Variants in PLCG2 observed in about 807,000 individuals in gnomAD.
The protein encoded by PLCG2 is 1-phosphatidylinositol 4,5-bisphosphate phosphodiesterase gamma-2.
In PLCG2, 69 loss-of-function variants were observed where a neutral mutation model predicts 175.6. That is an observed-to-expected ratio of 0.39 (90% confidence interval 0.32 to 0.48). PLCG2 has a LOEUF of 0.48. Among genes scored for constraint, PLCG2 ranks in the 20% least tolerant of loss-of-function variants. The probability of loss-of-function intolerance (pLI) is 0.91; values close to 1 mark genes in which losing one functional copy is unlikely to be tolerated. For synonymous variants in PLCG2, 827 were observed against 624.0 expected, an observed-to-expected ratio of 1.33 and a Z score of -4.85; for missense variants, 1,798 against 1,650.9, an observed-to-expected ratio of 1.09 and a Z score of -1.54.
In PLCG2 at chr16:81,936,420, G is replaced by A. The variant is rs779418251; in HGVS notation, c.3052+42G>A. ...GGTAGTCCCGTCCCTGCAAGGTGGC[G>A]GTTGCAGTCACTCCAGGCCGAGTCA... On this transcript the variant is annotated intron_variant, in intron 27 of 32. Transcript: ENST00000564138. The A allele has an allele frequency of 2.0e-5, 31 of 1,536,886 alleles. 1 individual carries two copies. Among genetic ancestry groups the A allele is most frequent in the Middle Eastern group, 2.3e-4 (1 of 4,428 alleles).
At chr16:81,900,499 C>T (rs77353266) in intron 13 of PLCG2, 113 bp from the exon 14 acceptor site, 4 of 920,306 alleles carry the variant, frequency 4.3e-6, no homozygotes, top group Non-Finnish European at 6.3e-6. Flanking sequence ...GGTTGTGCCC[C>T]CCGAGCAGCG....
intron 2 of PLCG2, among the ~76,000 whole-genome samples, chr16:81,849,770 TCAA>T (rs1906307873): frequency 2.9e-5 from 1 of 34,674 alleles, no homozygotes; most frequent in Non-Finnish European, 4.8e-5. Context: ...AAACTCTGTC[TCAA>T]AAAAAAAAAA....
At chr16:81,912,835 A>G (rs1421483363) in intron 19 of PLCG2, 119 bp downstream of exon 19, 1 of 1,253,046 alleles carries the variant, frequency 8.0e-7, no homozygotes, top group Non-Finnish European at 1.1e-6. Flanking sequence ...CCCCAGCATC[A>G]GCGACAACAA....
intron 2 of PLCG2, among the ~76,000 whole-genome samples, chr16:81,850,855 C>T (rs1026159117): frequency 1.3e-5 from 2 of 152,180 alleles, no homozygotes; most frequent in African/African-American, 4.8e-5. Flanking sequence ...CTTCAGATCT[C>T]CTGCACATGC....
rs113931977 is a variant in PLCG2, at chr16:81,860,268, T to C, written c.479+1105T>C. Among the ~76,000 whole-genome samples the C allele has an allele frequency of 3.7e-3, 569 of 151,758 alleles. 2 individuals carry two copies. The highest frequency in any genetic ancestry group is 0.031 in the Middle Eastern group (9 of 294). ...GGTTTTTCTTTAGATTAATGCATTGTCATTTCGGAAATCATTTCCGTGTTG... is the reference window on the plus strand; with the variant it reads ...GGTTTTTCTTTAGATTAATGCATTGCCATTTCGGAAATCATTTCCGTGTTG... On this transcript the variant is annotated intron_variant, in intron 5 of 32. Transcript: ENST00000564138.
intron 2 of PLCG2, among the ~76,000 whole-genome samples, chr16:81,853,059 G>A (rs1287351555): frequency 6.6e-6 from 1 of 152,190 alleles, no homozygotes; most frequent in African/African-American, 2.4e-5. Context: ...GGCTGGGCCC[G>A]CTGGCTCACG....
chr16:81,827,790 T>A (rs111362226), intron 2 of PLCG2, among the ~76,000 whole-genome samples: 3,825 of 151,704 alleles, frequency 0.025, 52 homozygotes, highest in Middle Eastern at 0.034. Context: ...TCTCCTCATT[T>A]AAAAAAAAGC....
chr16:81,841,646 G>A (rs542627535), intron 2 of PLCG2, among the ~76,000 whole-genome samples: 4 of 152,198 alleles, frequency 2.6e-5, no homozygotes, highest in African/African-American at 9.6e-5. Flanking sequence ...CAGAATAGAG[G>A]CTTCTTCATA....
intron 2 of PLCG2, among the ~76,000 whole-genome samples, chr16:81,851,615 C>A (rs534755048): frequency 6.6e-6 from 1 of 152,164 alleles, no homozygotes; most frequent in Non-Finnish European, 1.5e-5. Flanking sequence ...CGAGTTCAGG[C>A]GATTCTTCTG....
chr16:81,932,775 A>G (rs1226807052), intron 25 of PLCG2, among the ~76,000 whole-genome samples: 1 of 152,200 alleles, frequency 6.6e-6, no homozygotes, highest in East Asian at 1.9e-4. Context: ...TCTCTGACCC[A>G]GGAACTCCTG....
Position 81,960,473 on chromosome 16 carries a change from T to G in PLCG2, c.*2475T>G. The G allele has an allele frequency of 4.3e-6, 1 of 230,060 alleles. No individual in the cohort carries two copies. Among genetic ancestry groups the G allele is most frequent in the Non-Finnish European group, 8.6e-6 (1 of 116,092 alleles). 14.3% of individuals were successfully genotyped at this position (230,060 alleles called of 1,614,324 possible). A position where few individuals can be genotyped will look rare whatever the true frequency, so the allele number is the denominator to read the frequency against. On this transcript the variant is annotated 3_prime_UTR_variant, in exon 33 of 33. Coordinates refer to ENST00000564138, the MANE Select transcript of PLCG2 (RefSeq NM_002661.5). ...CTAAGTGTGTTATTTAGAATATTGGTTATTACAAGGAAAAATAAAGTGGGG... is the reference window on the plus strand; with the variant it reads ...CTAAGTGTGTTATTTAGAATATTGGGTATTACAAGGAAAAATAAAGTGGGG...
intron 2 of PLCG2, among the ~76,000 whole-genome samples, chr16:81,794,862 T>A (rs1236792871): frequency 6.6e-6 from 1 of 152,224 alleles, no homozygotes; most frequent in Non-Finnish European, 1.5e-5. Flanking sequence ...CGATGGATTG[T>A]CCTGCTCCCC....
At chr16:81,810,775 G>A (rs1428630457) in intron 2 of PLCG2, among the ~76,000 whole-genome samples, 1 of 152,062 alleles carries the variant, frequency 6.6e-6, no homozygotes, top group Admixed American at 6.6e-5. Flanking sequence ...TCAGGGCAAA[G>A]CACTGTATTG....
chr16:81,829,202 G>A (rs1454724921), intron 2 of PLCG2, among the ~76,000 whole-genome samples: 1 of 152,048 alleles, frequency 6.6e-6, no homozygotes, highest in African/African-American at 2.4e-5. Context: ...TCTGTCTTCC[G>A]GGTTCAAGCG....
At chr16:81,780,958 T>C (rs1910701282) in intron 1 of PLCG2, among the ~76,000 whole-genome samples, 1 of 151,868 alleles carries the variant, frequency 6.6e-6, no homozygotes, top group African/African-American at 2.4e-5. Context: ...ACCCAGGAGG[T>C]GGAGGTTGCA....
Position 81,804,974 on chromosome 16 carries a change from C to T in PLCG2, c.193+18792C>T, listed in dbSNP as rs547893882. The stretch of plus-strand genomic sequence containing the variant: ...ATTTATTTGTAGTGTCTAGTCATTA[C>T]AATCTGTCTGTGAGTTTTGCCTGGT... On this transcript the variant is annotated intron_variant, in intron 2 of 32. Transcript: ENST00000564138. 2.0e-5 allele frequency among the ~76,000 whole-genome samples: 3 copies of T among 152,282 alleles called. No homozygotes were observed. In the South Asian group the frequency reaches 6.2e-4, roughly 32 times the overall value.
chr16:81,907,823 A>C (rs1909443680), intron 16 of PLCG2, 49 bp downstream of exon 16: 1 of 1,365,016 alleles, frequency 7.3e-7, no homozygotes, highest in East Asian at 2.3e-5. Context: ...AGGAACCCCG[A>C]GGACCAGCCA....
chr16:81,923,370 T>C (rs2143692218), intron 21 of PLCG2, 115 bp from the exon 22 acceptor site: 2 of 633,996 alleles, frequency 3.2e-6, no homozygotes, highest in South Asian at 1.9e-5. Flanking sequence ...TTTGTAACCT[T>C]GGCCTGAAGC....
rs953279925 is a variant in PLCG2, at chr16:81,960,673, C to T, written c.*2675C>T. ...CATGGGACTTATCTATAGTGGAACACATTTGAAGACCTACTGCTCTATTAA... is the reference window on the plus strand; with the variant it reads ...CATGGGACTTATCTATAGTGGAACATATTTGAAGACCTACTGCTCTATTAA... On this transcript the variant is annotated 3_prime_UTR_variant, in exon 33 of 33. Transcript: ENST00000564138. 1.1e-4 allele frequency: 25 copies of T among 230,442 alleles called. No homozygotes were observed. The highest frequency in any genetic ancestry group is 5.5e-4 in the African/African-American group (25 of 45,202). 14.3% of individuals were successfully genotyped at this position (230,442 alleles called of 1,614,324 possible). A position where few individuals can be genotyped will look rare whatever the true frequency, so the allele number is the denominator to read the frequency against.
Sources: allele counts gnomAD v4.1 joint callset (sites outside exome capture counted in the v4.1 genomes callset), GRCh38; gene constraint gnomAD v4.1.1; transcripts MANE v1.5; gene names NCBI Gene and HGNC (gene_info 2026-07-23, HGNC 2026-07-21).